The following METAP1D variants were observed in gnomAD, a reference collection of about 807,000 sequenced individuals.
METAP1D encodes the protein methionine aminopeptidase 1D, mitochondrial.
METAP1D carries 31 observed loss-of-function variants against 40.5 expected under a neutral mutation model. The ratio of observed to expected loss-of-function variants is 0.77; its 90% CI spans 0.58 to 1.03. The LOEUF is 1.03. METAP1D is among the 50% of genes least tolerant of loss of function. The probability of loss-of-function intolerance (pLI) is 0.00; values close to 1 mark genes in which losing one functional copy is unlikely to be tolerated. For synonymous variants in METAP1D, 151 were observed against 146.4 expected (o/e 1.03, Z -0.22); for missense variants, 411 against 420.7 (o/e 0.98, Z 0.20).
Position 172,029,900 on chromosome 2 carries a change from C to T in METAP1D, c.40+29891C>T, listed in dbSNP as rs1403103899. Among the ~76,000 whole-genome samples, 5 of 151,996 alleles carry T rather than the reference C, an allele frequency of 3.3e-5. No individual in the cohort carries two copies. The East Asian group carries it at 9.7e-4, about 29-fold the overall frequency. Reference sequence around the variant, plus strand: ...TTCCCTAGTAGCTGGGATTTACAGGCATGCGCCACCACATCCAGCTAATTT... The same window carrying T: ...TTCCCTAGTAGCTGGGATTTACAGGTATGCGCCACCACATCCAGCTAATTT... On this transcript the variant is annotated intron_variant, in intron 1 of 9. Transcript: ENST00000315796.
At chr2:172,028,542 C>CTGTGTGTGTGTGTGTGTG (rs10529698) in intron 1 of METAP1D, among the ~76,000 whole-genome samples, 1 of 141,298 alleles carries the variant, frequency 7.1e-6, no homozygotes, top group Non-Finnish European at 1.5e-5. Context: ...GTATGTGTGT[C>CTGTGTGTGTGTGTGTGTG]TGTGTGTGTG....
intron 1 of METAP1D, among the ~76,000 whole-genome samples, chr2:172,027,720 G>C (rs2105407073): frequency 6.6e-6 from 1 of 152,230 alleles, no homozygotes; most frequent in East Asian, 1.9e-4. Flanking sequence ...TTTTTAATTT[G>C]TCTTCAGTTG....
At chr2:172,071,287 T>C (rs1005970263) in intron 6 of METAP1D, among the ~76,000 whole-genome samples, 3 of 152,136 alleles carry the variant, frequency 2.0e-5, no homozygotes, top group South Asian at 2.1e-4. Context: ...AAGAAACTTA[T>C]AGAAGGAGCA....
chr2:172,008,487 G>T (rs1688640031), intron 1 of METAP1D, among the ~76,000 whole-genome samples: 1 of 152,118 alleles, frequency 6.6e-6, no homozygotes, highest in African/African-American at 2.4e-5. Flanking sequence ...ATCCAATGGG[G>T]GTATGTTCCC....
At chr2:172,035,174 G>T (rs545808261) in intron 1 of METAP1D, among the ~76,000 whole-genome samples, 1 of 146,450 alleles carries the variant, frequency 6.8e-6, no homozygotes, top group African/African-American at 2.5e-5. Context: ...TTGTTTGTTT[G>T]TTTGTTTTGA....
At chr2:172,025,568 G>A (rs1298536806) in intron 1 of METAP1D, among the ~76,000 whole-genome samples, 3 of 151,978 alleles carry the variant, frequency 2.0e-5, no homozygotes, top group Non-Finnish European at 4.4e-5. Flanking sequence ...AGGTTCAAGC[G>A]TTCTGCCCAC....
rs898792512 is a variant in METAP1D at position 172,080,499 on chromosome 2, C to T, written c.*93C>T. ...CTTTTAGAAGAAACAGGGAAATGACCGGTGGTGCGGTAACCTGCGTGGCTC... is the reference window on the plus strand; with the variant it reads ...CTTTTAGAAGAAACAGGGAAATGACTGGTGGTGCGGTAACCTGCGTGGCTC... On this transcript the variant is annotated 3_prime_UTR_variant, in exon 10 of 10. Transcript: ENST00000315796. 5.4e-5 allele frequency: 72 copies of T among 1,345,358 alleles called. No individual in the cohort carries two copies. Among genetic ancestry groups the T allele is most frequent in the Non-Finnish European group, 7.3e-5 (69 of 946,622 alleles). 83.3% of individuals were successfully genotyped at this position (1,345,358 alleles called of 1,614,324 possible).
At chr2:172,002,046 G>GAAAAAAA (rs370838286) in intron 1 of METAP1D, among the ~76,000 whole-genome samples, 1 of 134,748 alleles carries the variant, frequency 7.4e-6, no homozygotes, top group African/African-American at 2.8e-5. Context: ...GTAGTGAGCT[G>GAAAAAAA]AAAAAAAAAA....
intron 8 of METAP1D, 152 bp from the exon 9 acceptor site, chr2:172,079,976 A>G: frequency 1.5e-6 from 1 of 656,468 alleles, no homozygotes; most frequent in East Asian, 2.7e-5. Flanking sequence ...AAGCAACATC[A>G]ATTATCAACC....
At chr2:172,042,036 A>G (rs1689544554) in intron 1 of METAP1D, among the ~76,000 whole-genome samples, 1 of 124,434 alleles carries the variant, frequency 8.0e-6, no homozygotes, top group African/African-American at 2.7e-5. Context: ...CCTGCCCACA[A>G]GTGATCTACC....
intron 1 of METAP1D, among the ~76,000 whole-genome samples, chr2:172,045,727 G>GTGTGTGTGTA (rs1689727082): frequency 1.2e-5 from 1 of 82,112 alleles, no homozygotes; most frequent in Admixed American, 1.2e-4. Context: ...GTGTGTGTGT[G>GTGTGTGTGTA]TGTGTATATA....
At chr2:172,067,342 T>A (rs1191034035) in intron 5 of METAP1D, among the ~76,000 whole-genome samples, 1 of 152,234 alleles carries the variant, frequency 6.6e-6, no homozygotes, top group African/African-American at 2.4e-5. Flanking sequence ...AATGGTGGAA[T>A]TCAGTCTGAC....
chr2:172,011,018 G>A (rs560443895), intron 1 of METAP1D, among the ~76,000 whole-genome samples: 1 of 152,178 alleles, frequency 6.6e-6, no homozygotes, highest in African/African-American at 2.4e-5. Context: ...GTCTCCCATA[G>A]TGCTGGGATT....
At chr2:172,077,171 T>A (rs1272875833) in intron 6 of METAP1D, among the ~76,000 whole-genome samples, 2 of 152,228 alleles carry the variant, frequency 1.3e-5, no homozygotes, top group African/African-American at 2.4e-5. Flanking sequence ...TTTATGAATT[T>A]TGTTAATGGT....
At chr2:172,059,208 G>A (rs754287376) in intron 1 of METAP1D, among the ~76,000 whole-genome samples, 4 of 151,300 alleles carry the variant, frequency 2.6e-5, no homozygotes, top group Non-Finnish European at 5.9e-5. Flanking sequence ...TTCCGGGTTC[G>A]AGTAGTTCTC....
intron 1 of METAP1D, among the ~76,000 whole-genome samples, chr2:172,045,046 T>G (rs1343057443): frequency 2.2e-5 from 3 of 134,496 alleles, no homozygotes; most frequent in African/African-American, 7.5e-5. Context: ...AGTTTTTCAT[T>G]TATCAGACTA....
intron 1 of METAP1D, among the ~76,000 whole-genome samples, chr2:172,017,759 TTTGAGAAA>T (rs1484012992): frequency 5.3e-5 from 8 of 152,090 alleles, no homozygotes; most frequent in Non-Finnish European, 2.9e-5. Flanking sequence ...CAGTGAACTG[TTTGAGAAA>T]TTGGGTAATT....
chr2:172,076,293 A>G (rs185511022), intron 6 of METAP1D, among the ~76,000 whole-genome samples: 3 of 150,874 alleles, frequency 2.0e-5, no homozygotes, highest in Non-Finnish European at 4.4e-5. Flanking sequence ...AACATAATTT[A>G]TAGGTTTAGG....
At chr2:172,010,491 C>CCCTT (rs1688690436) in intron 1 of METAP1D, among the ~76,000 whole-genome samples, 1 of 94,266 alleles carries the variant, frequency 1.1e-5, no homozygotes, top group Non-Finnish European at 2.4e-5. Context: ...TCCTTCTTTC[C>CCCTT]TCTTTTTTTT....
Sources: gnomAD v4.1 joint callset for allele counts (sites outside exome capture counted in the v4.1 genomes callset) on GRCh38, gnomAD v4.1.1 for gene constraint, MANE v1.5 for transcripts, NCBI Gene and HGNC (gene_info 2026-07-23, HGNC 2026-07-21) for gene names.